The following RANBP17 variants were observed in gnomAD, a reference collection of about 807,000 sequenced individuals.
RANBP17 encodes the protein ran-binding protein 17.
A neutral mutation model predicts 141.2 loss-of-function variants in RANBP17; 158 were observed. The ratio of observed to expected loss-of-function variants is 1.12; its 90% CI spans 0.98 to 1.28. The LOEUF (loss-of-function observed/expected upper bound fraction) is 1.28, where lower values mean the gene tolerates loss of function less well. RANBP17 is among the 50% of genes most tolerant of loss of function. The pLI, the probability that RANBP17 is intolerant of heterozygous loss-of-function variation, is 0.00. For synonymous variants in RANBP17, 430 were observed against 450.0 expected, an observed-to-expected ratio of 0.96 and a Z score of 0.56; for missense variants, 1,438 against 1,290.7, an observed-to-expected ratio of 1.11 and a Z score of -1.75.
intron 13 of RANBP17, among the ~76,000 whole-genome samples, chr5:170,965,164 T>C (rs988052836): frequency 2.0e-5 from 3 of 152,214 alleles, no homozygotes; most frequent in Non-Finnish European, 4.4e-5. Context: ...GTGAGCATTT[T>C]TTCATGTGTC....
chr5:171,182,680 A>G (rs753984959), intron 16 of RANBP17, among the ~76,000 whole-genome samples: 1 of 152,224 alleles, frequency 6.6e-6, no homozygotes, highest in African/African-American at 2.4e-5. Context: ...ACTTGATGAC[A>G]TGCAGTCTGC....
At chr5:171,155,094 A>AAAAAAAT (rs34090443) in intron 14 of RANBP17, among the ~76,000 whole-genome samples, 5 of 74,966 alleles carry the variant, frequency 6.7e-5, no homozygotes, top group South Asian at 5.4e-4. Context: ...AAAAAAAAAA[A>AAAAAAAT]ATATATATAT....
chr5:171,006,731 A>T (rs1014955065), intron 14 of RANBP17, among the ~76,000 whole-genome samples: 1 of 134,624 alleles, frequency 7.4e-6, no homozygotes, highest in African/African-American at 2.6e-5. Flanking sequence ...TGTACTCTAA[A>T]ACTTAAAGTA....
chr5:171,062,762 C>T (rs1367227305), intron 14 of RANBP17, among the ~76,000 whole-genome samples: 3 of 152,208 alleles, frequency 2.0e-5, no homozygotes, highest in African/African-American at 4.8e-5. Flanking sequence ...TGTTTTCCAA[C>T]TTGTTTCCAT....
chr5:170,879,577 AG>A (rs1372005335), intron 2 of RANBP17, among the ~76,000 whole-genome samples: 2 of 152,180 alleles, frequency 1.3e-5, no homozygotes, highest in Admixed American at 6.5e-5. Context: ...TTCTGCATAT[AG>A]GTTCTAAGCA....
chr5:171,047,527 A>C (rs1581485974), intron 14 of RANBP17, among the ~76,000 whole-genome samples: 1 of 139,184 alleles, frequency 7.2e-6, no homozygotes, highest in African/African-American at 2.7e-5. Context: ...ACCTCCCTCC[A>C]CCTCCCGGGT....
Position 171,088,697 on chromosome 5 carries a change from CT to C in RANBP17, c.1711-81431del, listed in dbSNP as rs1785916863. ...TTTTTTCTCTAAACTTCCCTTCTCGCTTGATTTCGTTCATTTCATCTTCCAT... is the reference window on the plus strand; with the variant it reads ...TTTTTTCTCTAAACTTCCCTTCTCGCTGATTTCGTTCATTTCATCTTCCAT... On this transcript the variant is annotated intron_variant, in intron 14 of 27. Transcript: ENST00000523189. Among the ~76,000 whole-genome samples, 6 of 152,224 alleles carry C rather than the reference CT, an allele frequency of 3.9e-5. No homozygotes were observed. The South Asian group carries it at 1.2e-3, about 32-fold the overall frequency.
Position 170,968,337 on chromosome 5 carries a change from G to A in RANBP17, c.1670G>A (p.Arg557His), listed in dbSNP as rs185569766. ...LAILWFLDQF[R>H]KTYVGDQLQR... ...ATTCTGTGGTTCTTGGATCAGTTTC[G>A]TAAAACATATGTTGGTGATCAACTT... is the stretch of plus-strand genomic sequence containing the variant. The change falls in exon 14 of 28, where the codon CGT becomes CAT. Residue 557 changes from arginine to histidine, a missense_variant. Transcript: ENST00000523189. 8.3e-5 allele frequency: 134 copies of A among 1,608,680 alleles called. 1 individual carries two copies. In the Admixed American group the frequency reaches 1.1e-3, roughly 14 times the overall value.
At chr5:171,271,261 C>T (rs1314444973) in intron 25 of RANBP17, 3 of 215,270 alleles carry the variant, frequency 1.4e-5, no homozygotes, top group Admixed American at 5.8e-5. Context: ...TTGTATAGTG[C>T]TCTTCATGAC....
At chr5:170,962,194 T>C (rs902086749) in intron 13 of RANBP17, among the ~76,000 whole-genome samples, 1 of 152,224 alleles carries the variant, frequency 6.6e-6, no homozygotes, top group Non-Finnish European at 1.5e-5. Flanking sequence ...AAGCCATTGT[T>C]ATTTTGGATT....
chr5:171,101,734 G>A (rs972547905), intron 14 of RANBP17, among the ~76,000 whole-genome samples: 2 of 152,168 alleles, frequency 1.3e-5, no homozygotes, highest in African/African-American at 4.8e-5. Flanking sequence ...GCTAGTACTG[G>A]TTGTTCCTTT....
chr5:171,255,090 A>G (rs1435322063), intron 24 of RANBP17, among the ~76,000 whole-genome samples: 1 of 152,192 alleles, frequency 6.6e-6, no homozygotes, highest in East Asian at 1.9e-4. Context: ...TTTCTCTTTA[A>G]GATAGTTTCT....
chr5:171,004,842 G>C (rs913533241), intron 14 of RANBP17, among the ~76,000 whole-genome samples: 1 of 152,150 alleles, frequency 6.6e-6, no homozygotes, highest in East Asian at 1.9e-4. Flanking sequence ...CCAGGCTTTT[G>C]GCATTTGAAG....
chr5:170,901,201 G>C (rs1770608069), intron 5 of RANBP17, among the ~76,000 whole-genome samples: 1 of 152,146 alleles, frequency 6.6e-6, no homozygotes. Flanking sequence ...TCCTGTATTG[G>C]ATGCATGTAT....
intron 11 of RANBP17, among the ~76,000 whole-genome samples, chr5:170,921,716 A>T (rs1561892962): frequency 1.3e-5 from 2 of 152,188 alleles, no homozygotes; most frequent in Non-Finnish European, 2.9e-5. Context: ...CTTCCTATCC[A>T]TGAGCATGGA....
intron 14 of RANBP17, among the ~76,000 whole-genome samples, chr5:171,017,535 G>T (rs1780533013): frequency 6.6e-6 from 1 of 152,114 alleles, no homozygotes; most frequent in African/African-American, 2.4e-5. Context: ...TATGTTTGCT[G>T]GCTGGATAAA....
chr5:170,889,973 G>A (rs1769463327), intron 3 of RANBP17, among the ~76,000 whole-genome samples: 2 of 152,254 alleles, frequency 1.3e-5, no homozygotes, highest in South Asian at 4.1e-4. Context: ...TAAAGTAACA[G>A]AAACATATTC....
At chr5:171,021,466 A>G (rs1780851695) in intron 14 of RANBP17, among the ~76,000 whole-genome samples, 1 of 151,240 alleles carries the variant, frequency 6.6e-6, no homozygotes, top group African/African-American at 2.5e-5. Flanking sequence ...GGCTTTGTTC[A>G]TTCCTTTTCA....
intron 3 of RANBP17, among the ~76,000 whole-genome samples, chr5:170,883,583 T>G (rs1768902554): frequency 6.6e-6 from 1 of 152,210 alleles, no homozygotes; most frequent in African/African-American, 2.4e-5. Flanking sequence ...CACTAAAAAT[T>G]CGCTCTTCTC....
Sources: allele counts gnomAD v4.1 joint callset (sites outside exome capture counted in the v4.1 genomes callset), GRCh38; gene constraint gnomAD v4.1.1; transcripts MANE v1.5; gene names NCBI Gene and HGNC (gene_info 2026-07-23, HGNC 2026-07-21).